Variants in SPOCK3 observed in about 807,000 individuals in gnomAD.
SPOCK3 encodes testican-3.
A neutral mutation model predicts 56.6 loss-of-function variants in SPOCK3; 30 were observed. The ratio of observed to expected loss-of-function variants is 0.53; its 90% confidence interval spans 0.40 to 0.72. The LOEUF is 0.72. Among genes scored for constraint, SPOCK3 ranks in the 30% least tolerant of loss-of-function variants. SPOCK3 has a pLI of 0.00. For synonymous variants in SPOCK3, 196 were observed against 183.3 expected (o/e 1.07, Z -0.56); for missense variants, 527 against 530.0 (o/e 0.99, Z 0.06).
In SPOCK3 at chr4:166,786,800, T is replaced by C. The variant is rs139205500; in HGVS notation, c.709+5370A>G. Among the ~76,000 whole-genome samples the C allele has an allele frequency of 5.9e-3, 905 of 152,310 alleles. 10 individuals are homozygous for C. Among genetic ancestry groups the C allele is most frequent in the African/African-American group, 0.02 (843 of 41,564 alleles). ...ATTGGCCCTTGTCGTGGCCACTATT[T>C]CCAGCCAACTTTACTGGATTGTACC... On this transcript the variant is annotated intron_variant, in intron 7 of 10. Coordinates refer to ENST00000357545, the MANE Select transcript of SPOCK3 (RefSeq NM_001040159.2).
intron 4 of SPOCK3, 151 bp from the exon 5 acceptor site, chr4:166,912,894 C>T: frequency 1.5e-6 from 1 of 661,704 alleles, no homozygotes; most frequent in South Asian, 2.8e-5. Context: ...TATTTCATGC[C>T]ATATTTTTCA....
At chr4:166,884,443 CAATGTACA>C (rs1733992314) in intron 6 of SPOCK3, among the ~76,000 whole-genome samples, 1 of 151,818 alleles carries the variant, frequency 6.6e-6, no homozygotes, top group Non-Finnish European at 1.5e-5. Flanking sequence ...TTCAAGCTCT[CAATGTACA>C]AATATTTTGC....
intron 8 of SPOCK3, among the ~76,000 whole-genome samples, chr4:166,749,584 T>C (rs1044483157): frequency 2.6e-5 from 4 of 151,940 alleles, no homozygotes; most frequent in Admixed American, 2.6e-4. Flanking sequence ...CATGTATACA[T>C]ATGTAACAAA....
At chr4:167,145,664 TAAAG>T (rs1763885053) in intron 2 of SPOCK3, among the ~76,000 whole-genome samples, 1 of 152,018 alleles carries the variant, frequency 6.6e-6, no homozygotes, top group South Asian at 2.1e-4. Context: ...TCAACACTCT[TAAAG>T]AAAAGAATTT....
rs768520189 is a variant in SPOCK3, at chr4:167,062,499, G to A, written c.228C>T (p.Phe76=). The A allele has an allele frequency of 3.8e-5, 61 of 1,603,130 alleles. No individual in the cohort carries two copies. Among genetic ancestry groups the A allele is most frequent in the Middle Eastern group, 3.3e-4 (2 of 6,026 alleles). The change falls in exon 3 of 11, where the codon TTC becomes TTT. Residue 76 remains phenylalanine, a synonymous_variant. Transcript: ENST00000357545. ...YFRTWSPGKP[F]DQALDPAKDP... is the part of the protein sequence containing the mutation. ...AAATAGTTAGATTCTTACCCTGATCGAAGGGTTTTCCTGGACTCCAAGTGC... is the reference window on the plus strand; with the variant it reads ...AAATAGTTAGATTCTTACCCTGATCAAAGGGTTTTCCTGGACTCCAAGTGC...
intron 8 of SPOCK3, among the ~76,000 whole-genome samples, chr4:166,749,661 A>G (rs1736118928): frequency 2.0e-5 from 3 of 151,906 alleles, no homozygotes; most frequent in African/African-American, 7.2e-5. Flanking sequence ...AATAAAAATA[A>G]AATAATAAAA....
At chr4:166,994,220 C>T (rs1032847245) in intron 4 of SPOCK3, among the ~76,000 whole-genome samples, 1 of 152,142 alleles carries the variant, frequency 6.6e-6, no homozygotes, top group African/African-American at 2.4e-5. Context: ...ATAGCTAACC[C>T]TATCATAATG....
intron 6 of SPOCK3, among the ~76,000 whole-genome samples, chr4:166,834,011 T>TA (rs1379619198): frequency 2.0e-5 from 3 of 152,206 alleles, no homozygotes; most frequent in South Asian, 4.1e-4. Flanking sequence ...TCCAATATCT[T>TA]ACTCAGAGCA....
intron 8 of SPOCK3, 65 bp from the exon 9 acceptor site, chr4:166,742,124 G>A: frequency 1.7e-6 from 2 of 1,187,220 alleles, no homozygotes; most frequent in Non-Finnish European, 1.2e-6. Context: ...TAATTTCTAT[G>A]TTATCAAACT....
At chr4:166,856,160 G>GGGAGGAGGA (rs144233724) in intron 6 of SPOCK3, among the ~76,000 whole-genome samples, 1 of 150,082 alleles carries the variant, frequency 6.7e-6, no homozygotes, top group African/African-American at 2.5e-5. Flanking sequence ...AGAGACTGAG[G>GGGAGGAGGA]GGAGGAGGAG....
chr4:167,201,590 T>C (rs1020301928), intron 2 of SPOCK3, among the ~76,000 whole-genome samples: 12 of 152,118 alleles, frequency 7.9e-5, no homozygotes, highest in Middle Eastern at 3.4e-3. Flanking sequence ...TAAATTTATG[T>C]AATTATCAAG....
chr4:166,897,459 T>G (rs1735515244), intron 5 of SPOCK3, among the ~76,000 whole-genome samples: 1 of 152,042 alleles, frequency 6.6e-6, no homozygotes, highest in African/African-American at 2.4e-5. Context: ...AAAGGTTGGG[T>G]GGGATTGTTT....
intron 4 of SPOCK3, among the ~76,000 whole-genome samples, chr4:166,981,957 A>C (rs2150094094): frequency 6.6e-6 from 1 of 152,334 alleles, no homozygotes; most frequent in Admixed American, 6.5e-5. Flanking sequence ...CAGATGCCAG[A>C]GTTCGGAGAG....
At chr4:167,222,079 T>C (rs1009545972) in intron 2 of SPOCK3, among the ~76,000 whole-genome samples, 2 of 152,104 alleles carry the variant, frequency 1.3e-5, no homozygotes, top group Non-Finnish European at 2.9e-5. Context: ...GACAGATAAG[T>C]GGACAAATGT....
At chr4:166,824,569 A>C (rs1272836123) in intron 6 of SPOCK3, among the ~76,000 whole-genome samples, 1 of 152,118 alleles carries the variant, frequency 6.6e-6, no homozygotes, top group Non-Finnish European at 1.5e-5. Context: ...TCTTTGGTTA[A>C]CACACAAAAA....
intron 7 of SPOCK3, among the ~76,000 whole-genome samples, chr4:166,771,480 A>G (rs944453365): frequency 6.6e-6 from 1 of 152,128 alleles, no homozygotes; most frequent in Non-Finnish European, 1.5e-5. Flanking sequence ...AGGTAGTGGT[A>G]GAACACAGTT....
At chr4:166,824,492 A>T (rs2126772027) in intron 6 of SPOCK3, among the ~76,000 whole-genome samples, 1 of 152,160 alleles carries the variant, frequency 6.6e-6, no homozygotes, top group South Asian at 2.1e-4. Flanking sequence ...TTTCTGAATG[A>T]GCATGTGATC....
chr4:167,220,831 C>A (rs534077733), intron 2 of SPOCK3, among the ~76,000 whole-genome samples: 16 of 152,238 alleles, frequency 1.1e-4, no homozygotes, highest in Admixed American at 9.2e-4. Context: ...ACTATTTGAA[C>A]AGTATGTGAT....
intron 7 of SPOCK3, among the ~76,000 whole-genome samples, chr4:166,765,438 A>G (rs1001133975): frequency 6.6e-6 from 1 of 152,062 alleles, no homozygotes; most frequent in African/African-American, 2.4e-5. Context: ...ATTTATTAAA[A>G]AGGGAATCCT....
Sources: gnomAD v4.1 joint callset for allele counts (sites outside exome capture counted in the v4.1 genomes callset) on GRCh38, gnomAD v4.1.1 for gene constraint, MANE v1.5 for transcripts, NCBI Gene and HGNC (gene_info 2026-07-23, HGNC 2026-07-21) for gene names.